Variants in THUMPD3 observed in about 807,000 individuals in gnomAD.
THUMPD3 encodes the protein tRNA (guanine(6)-N(2))-methyltransferase THUMP3.
In THUMPD3, 44 loss-of-function variants were observed where a neutral mutation model predicts 54.5. The observed-to-expected ratio is 0.81, with a 90% CI of 0.63 to 1.04. The LOEUF (loss-of-function observed/expected upper bound fraction) is 1.04. THUMPD3 is among the 50% of genes least tolerant of loss of function. The probability of loss-of-function intolerance (pLI) is 0.00; values close to 1 mark genes in which losing one functional copy is unlikely to be tolerated. For missense variants in THUMPD3, 604 were observed against 601.3 expected, an observed-to-expected ratio of 1.00 and a Z score of -0.05; for synonymous variants, 196 against 201.4, an observed-to-expected ratio of 0.97 and a Z score of 0.23.
chr3:9,385,116 T>C lies in THUMPD3; in HGVS notation c.*428T>C, dbSNP rs2033246451. 1 of 156,822 alleles carries C rather than the reference T, an allele frequency of 6.4e-6. No individual in the cohort carries two copies. Among genetic ancestry groups the C allele is most frequent in the Admixed American group, 6.2e-5 (1 of 16,202 alleles). The allele number at this position is 156,822 out of a possible 1,614,324, so 9.7% of individuals were successfully genotyped here. A position where few individuals can be genotyped will look rare whatever the true frequency, so the allele number is the denominator to read the frequency against. ...GATCACGCCATTGCACTCCAGCCTG[T>C]GCGACAAGAGCGAAACTCTGTCTCA... On this transcript the variant is annotated 3_prime_UTR_variant, in exon 10 of 10. Transcript: ENST00000452837.
intron 6 of THUMPD3, 107 bp from the exon 7 acceptor site, chr3:9,380,396 A>G (rs1272675041): frequency 3.2e-5 from 23 of 710,416 alleles, no homozygotes; most frequent in Non-Finnish European, 5.2e-5. Flanking sequence ...GACAACATGC[A>G]ATGTTTTGCC....
chr3:9,363,588 T>C (rs1009441461), intron 1 of THUMPD3: 1 of 152,104 alleles, frequency 6.6e-6, no homozygotes, highest in African/African-American at 2.4e-5. Flanking sequence ...GTGTAAGCTA[T>C]GGCCCCTCCA....
rs1229607041 is a variant in THUMPD3 at position 9,384,935 on chromosome 3, C to G, written c.*247C>G. 2 of 404,794 alleles carry G rather than the reference C, an allele frequency of 4.9e-6. No individual in the cohort carries two copies. Among genetic ancestry groups the G allele is most frequent in the East Asian group, 4.7e-5 (1 of 21,316 alleles). 25.1% of individuals were successfully genotyped at this position (404,794 alleles called of 1,614,324 possible). A position where few individuals can be genotyped will look rare whatever the true frequency, so the allele number is the denominator to read the frequency against. On this transcript the variant is annotated 3_prime_UTR_variant, in exon 10 of 10. Transcript: ENST00000452837. Reference sequence around the variant, plus strand: ...CCGAAGTGTGCAGATCACCTGAGGTCCGGAGACCAGCCTGGCCAACATGGT... The same window carrying G: ...CCGAAGTGTGCAGATCACCTGAGGTGCGGAGACCAGCCTGGCCAACATGGT...
chr3:9,376,262 G>A (rs2032449936), intron 5 of THUMPD3, among the ~76,000 whole-genome samples: 1 of 152,204 alleles, frequency 6.6e-6, no homozygotes, highest in African/African-American at 2.4e-5. Flanking sequence ...TGGTTCTCAA[G>A]AAGGGTAGGA....
chr3:9,376,352 C>A (rs1379317106), intron 5 of THUMPD3, among the ~76,000 whole-genome samples: 2 of 152,202 alleles, frequency 1.3e-5, no homozygotes, highest in African/African-American at 4.8e-5. Context: ...TGTCTCTTCT[C>A]ATCTACATGC....
chr3:9,377,345 C>T (rs2032539797), intron 5 of THUMPD3, among the ~76,000 whole-genome samples: 1 of 152,048 alleles, frequency 6.6e-6, no homozygotes, highest in South Asian at 2.1e-4. Context: ...ATGGAATATA[C>T]AGTCAACATA....
chr3:9,380,674 A>G (rs1206803678), intron 7 of THUMPD3, 56 bp downstream of exon 7: 1 of 1,304,884 alleles, frequency 7.7e-7, no homozygotes, highest in Non-Finnish European at 1.1e-6. Flanking sequence ...CACTTTTTAT[A>G]TTGACTTTAT....
At chr3:9,368,640 C>T (rs1424994566) in intron 3 of THUMPD3, among the ~76,000 whole-genome samples, 7 of 152,202 alleles carry the variant, frequency 4.6e-5, no homozygotes, top group Middle Eastern at 3.4e-3. Flanking sequence ...GGGTTACAGG[C>T]GTAAGCCACC....
intron 3 of THUMPD3, among the ~76,000 whole-genome samples, chr3:9,370,822 G>T (rs933077930): frequency 6.6e-6 from 1 of 152,160 alleles, no homozygotes; most frequent in Non-Finnish European, 1.5e-5. Context: ...ATTGTATCAG[G>T]TATCATAGGT....
chr3:9,374,434 C>T (rs925317152), intron 4 of THUMPD3, 82 bp from the exon 5 acceptor site: 48 of 1,533,402 alleles, frequency 3.1e-5, no homozygotes, highest in African/African-American at 9.7e-5. Context: ...AGGGGTGAAC[C>T]GGCCCAGGTC....
At chr3:9,365,600 T>C (rs76344277) in intron 2 of THUMPD3, among the ~76,000 whole-genome samples, 13 of 151,800 alleles carry the variant, frequency 8.6e-5, no homozygotes, top group African/African-American at 2.7e-4. Flanking sequence ...CTTTTTTTTT[T>C]CTTTTTCTTT....
At chr3:9,368,058 C>G (rs1330865291) in intron 3 of THUMPD3, among the ~76,000 whole-genome samples, 2 of 151,378 alleles carry the variant, frequency 1.3e-5, no homozygotes, top group East Asian at 3.9e-4. Context: ...GAGCGAGACT[C>G]CATCTCAAAA....
At chr3:9,366,365 A>G (rs187033984) in intron 2 of THUMPD3, among the ~76,000 whole-genome samples, 1 of 152,294 alleles carries the variant, frequency 6.6e-6, no homozygotes, top group Non-Finnish European at 1.5e-5. Flanking sequence ...TGTCTGGCAT[A>G]TAGTAGGTAC....
chr3:9,375,207 G>C (rs1337017954), intron 5 of THUMPD3, among the ~76,000 whole-genome samples: 1 of 152,164 alleles, frequency 6.6e-6, no homozygotes, highest in Non-Finnish European at 1.5e-5. Flanking sequence ...CTTGAATGAG[G>C]TTACCACATT....
chr3:9,376,614 A>C (rs1173483985), intron 5 of THUMPD3, among the ~76,000 whole-genome samples: 1 of 152,240 alleles, frequency 6.6e-6, no homozygotes, highest in Non-Finnish European at 1.5e-5. Flanking sequence ...TGTTACAATA[A>C]GAACCCACTA....
At chr3:9,382,671 G>C (rs889063937) in intron 7 of THUMPD3, among the ~76,000 whole-genome samples, 2 of 152,104 alleles carry the variant, frequency 1.3e-5, no homozygotes. Flanking sequence ...TACTGCTTCA[G>C]CATTGTTTTT....
At chr3:9,382,958 G>T in intron 7 of THUMPD3, 1 of 353,956 alleles carries the variant, frequency 2.8e-6, no homozygotes, top group Non-Finnish European at 5.3e-6. Context: ...CAAATTCCTG[G>T]AGTCCAGTGA....
chr3:9,375,433 C>T (rs904377085), intron 5 of THUMPD3, among the ~76,000 whole-genome samples: 1 of 152,192 alleles, frequency 6.6e-6, no homozygotes. Flanking sequence ...ATCTTTCCTT[C>T]TCCTTTGCCC....
At chr3:9,381,181 G>T (rs142196679) in intron 7 of THUMPD3, among the ~76,000 whole-genome samples, 1 of 152,152 alleles carries the variant, frequency 6.6e-6, no homozygotes. Context: ...AGATTCTGCC[G>T]CTTCAGCCTT....
Sources: allele counts gnomAD v4.1 joint callset (sites outside exome capture counted in the v4.1 genomes callset), GRCh38; gene constraint gnomAD v4.1.1; transcripts MANE v1.5; gene names NCBI Gene and HGNC (gene_info 2026-07-23, HGNC 2026-07-21).